NCOR1: variants seen among roughly 807,000 people sequenced by gnomAD.
NCOR1 encodes nuclear receptor corepressor 1.
A neutral mutation model predicts 288.1 loss-of-function variants in NCOR1; 63 were observed. The observed-to-expected ratio is 0.22, with a 90% confidence interval of 0.18 to 0.27. The LOEUF (loss-of-function observed/expected upper bound fraction) is 0.27. NCOR1 is among the 10% of genes least tolerant of loss of function. NCOR1 has a pLI of 1.00. For missense variants in NCOR1, 2,397 were observed against 3,019.2 expected (o/e 0.79, Z 4.83); for synonymous variants, 1,007 against 1,065.9 (o/e 0.94, Z 1.08).
intron 45 of NCOR1, among the ~76,000 whole-genome samples, chr17:16,032,905 C>G (rs531275339): frequency 6.6e-6 from 1 of 152,184 alleles, no homozygotes; most frequent in Non-Finnish European, 1.5e-5. Context: ...GACTGAGGGG[C>G]AGCAGGATGC....
intron 37 of NCOR1, among the ~76,000 whole-genome samples, chr17:16,059,518 A>G (rs928181747): frequency 3.3e-5 from 5 of 152,230 alleles, no homozygotes; most frequent in African/African-American, 1.2e-4. Flanking sequence ...CCCACATCAG[A>G]AAAGGACCTC....
intron 23 of NCOR1, among the ~76,000 whole-genome samples, chr17:16,085,029 T>A (rs1407921578): frequency 6.6e-6 from 1 of 151,980 alleles, no homozygotes; most frequent in African/African-American, 2.4e-5. Flanking sequence ...ACAGAGAAAA[T>A]ATTTGTAATA....
rs1253314321 is a variant in NCOR1 at position 16,134,680 on chromosome 17, T to C, written c.1509+2631A>G. Among the ~76,000 whole-genome samples, 4 of 152,180 alleles carry C rather than the reference T, an allele frequency of 2.6e-5. No homozygotes were observed. In the East Asian group the frequency reaches 7.7e-4, roughly 29 times the overall value. On this transcript the variant is annotated intron_variant, in intron 14 of 45. Coordinates refer to ENST00000268712, the MANE Select transcript of NCOR1 (RefSeq NM_006311.4). ...ATCCGTGCCCCATAGAACTTCCTGC[T>C]AGAGCTCTCTCCTCTATCATCATGG...
intron 8 of NCOR1, among the ~76,000 whole-genome samples, chr17:16,150,658 C>T (rs1338965187): frequency 6.7e-6 from 1 of 149,600 alleles, no homozygotes; most frequent in Admixed American, 6.7e-5. Flanking sequence ...CAGACTGTAT[C>T]AGGAGAAACA....
chr17:16,115,699 T>A (rs964513483), intron 18 of NCOR1, among the ~76,000 whole-genome samples: 1 of 152,232 alleles, frequency 6.6e-6, no homozygotes, highest in African/African-American at 2.4e-5. Flanking sequence ...CATTTCCATC[T>A]GAGATCACCT....
At chr17:16,199,828 T>C (rs1333716530) in intron 1 of NCOR1, among the ~76,000 whole-genome samples, 1 of 152,218 alleles carries the variant, frequency 6.6e-6, no homozygotes, top group Non-Finnish European at 1.5e-5. Context: ...CAACATATAA[T>C]GTTTTAGGAT....
At chr17:16,053,594 A>G (rs557179986) in intron 40 of NCOR1, among the ~76,000 whole-genome samples, 62 of 152,350 alleles carry the variant, frequency 4.1e-4, no homozygotes, top group Non-Finnish European at 6.9e-4. Flanking sequence ...GGAAGAATCA[A>G]TATCATTAAA....
chr17:16,140,997 C>CAAAAAAAAAAAAAAAAA (rs372397821), intron 11 of NCOR1, among the ~76,000 whole-genome samples: 41 of 113,728 alleles, frequency 3.6e-4, no homozygotes, highest in African/African-American at 1.2e-3. Context: ...TCTCCTATCT[C>CAAAAAAAAAAAAAAAAA]AAAAAAAAAA....
chr17:16,094,483 C>T (rs1270877407), intron 21 of NCOR1, among the ~76,000 whole-genome samples: 1 of 152,140 alleles, frequency 6.6e-6, no homozygotes, highest in African/African-American at 2.4e-5. Context: ...AAGAAAAGAA[C>T]AAGGTCATTT....
Position 16,068,113 on chromosome 17 carries a change from A to G in NCOR1, c.4522T>C (p.Ser1508Pro), listed in dbSNP as rs553827714. ...MMNRTSDVTI[S>P]SNKSTNHERK... is the part of the protein sequence containing the mutation. Reference sequence around the variant, plus strand: ...TCATGATTGGTAGACTTGTTAGAAGAAATTGTAACTGGAAAAAAAGAGCCA... The same window carrying G: ...TCATGATTGGTAGACTTGTTAGAAGGAATTGTAACTGGAAAAAAAGAGCCA... The change falls in exon 32 of 46, where the codon TCT (serine) becomes CCT (proline). Residue 1508 changes from serine to proline, a missense_variant. Physicochemically the swap from Ser to Pro is moderately conservative, Grantham distance 74. Coordinates refer to ENST00000268712, the MANE Select transcript of NCOR1 (RefSeq NM_006311.4). The G allele has an allele frequency of 5.6e-6, 9 of 1,607,620 alleles. No homozygotes were observed. Among genetic ancestry groups the G allele is most frequent in the Middle Eastern group, 1.7e-4 (1 of 6,052 alleles).
intron 5 of NCOR1, among the ~76,000 whole-genome samples, chr17:16,163,582 C>T (rs987814899): frequency 1.3e-5 from 2 of 152,070 alleles, no homozygotes; most frequent in Admixed American, 6.6e-5. Flanking sequence ...TAAAATGGTA[C>T]AGAGACTTTG....
intron 19 of NCOR1, among the ~76,000 whole-genome samples, chr17:16,104,158 A>T (rs2068141366): frequency 6.6e-6 from 1 of 152,248 alleles, no homozygotes; most frequent in African/African-American, 2.4e-5. Flanking sequence ...AACTCCATGA[A>T]GACAGAGATC....
chr17:16,068,207 G>T, intron 31 of NCOR1, 86 bp from the exon 32 acceptor site: 1 of 1,089,578 alleles, frequency 9.2e-7, no homozygotes, highest in African/African-American at 1.6e-5. Flanking sequence ...TTCAAATAAA[G>T]ACTATATTCA....
chr17:16,038,001 CA>C (rs2056766299), intron 44 of NCOR1, among the ~76,000 whole-genome samples: 1 of 152,096 alleles, frequency 6.6e-6, no homozygotes, highest in African/African-American at 2.4e-5. Flanking sequence ...TTAAAACACA[CA>C]CACTTAAAGC....
At chr17:16,113,474 T>G (rs572610718) in intron 18 of NCOR1, among the ~76,000 whole-genome samples, 1 of 152,306 alleles carries the variant, frequency 6.6e-6, no homozygotes, top group African/African-American at 2.4e-5. Context: ...TTTTAACAGA[T>G]TTTTCAGATA....
chr17:16,102,710 C>T (rs766035338), intron 19 of NCOR1, among the ~76,000 whole-genome samples: 5 of 152,088 alleles, frequency 3.3e-5, no homozygotes, highest in Non-Finnish European at 5.9e-5. Context: ...TCTTGTGCCT[C>T]AGCCTCCTGA....
At chr17:16,208,162 T>A (rs1013591177) in intron 1 of NCOR1, among the ~76,000 whole-genome samples, 1 of 144,566 alleles carries the variant, frequency 6.9e-6, no homozygotes, top group Non-Finnish European at 1.5e-5. Flanking sequence ...TGCCTCAGCC[T>A]CCTGAGTAGC....
chr17:16,126,490 G>C (rs2074068155), intron 14 of NCOR1, among the ~76,000 whole-genome samples: 1 of 151,552 alleles, frequency 6.6e-6, no homozygotes, highest in Non-Finnish European at 1.5e-5. Flanking sequence ...TCCCTTTTTT[G>C]GCAACCTCCA....
At chr17:16,135,885 A>C (rs936437752) in intron 14 of NCOR1, among the ~76,000 whole-genome samples, 5 of 152,312 alleles carry the variant, frequency 3.3e-5, no homozygotes, top group Admixed American at 2.0e-4. Flanking sequence ...CCCCACCCCA[A>C]CAAAAGGGTG....
Sources: allele counts gnomAD v4.1 joint callset (sites outside exome capture counted in the v4.1 genomes callset), GRCh38; gene constraint gnomAD v4.1.1; transcripts MANE v1.5; gene names NCBI Gene and HGNC (gene_info 2026-07-23, HGNC 2026-07-21).